The following LANCL3 variants were observed in gnomAD, a reference collection of about 807,000 sequenced individuals.
The protein encoded by LANCL3 is lanC-like protein 3.
LANCL3 carries 19 observed loss-of-function variants against 26.5 expected under a neutral mutation model. That is an observed-to-expected ratio of 0.72 (90% CI 0.50 to 1.05). The LOEUF is 1.05. Ranked by LOEUF, LANCL3 falls within the 50% of genes least tolerant of loss-of-function variation. The pLI, the probability that LANCL3 is intolerant of heterozygous loss-of-function variation, is 0.00. For synonymous variants in LANCL3, 160 were observed against 166.6 expected, an observed-to-expected ratio of 0.96 and a Z score of 0.30; for missense variants, 318 against 362.7, an observed-to-expected ratio of 0.88 and a Z score of 1.00.
chrX:37,637,189 C>T (rs1409368751), intron 1 of LANCL3, among the ~76,000 whole-genome samples: 2 of 111,790 alleles, frequency 1.8e-5, no homozygotes, highest in Admixed American at 1.9e-4. Flanking sequence ...TTAAGTGTGC[C>T]TTCCATCATC....
At chrX:37,597,939 T>C (rs781977053) in intron 1 of LANCL3, among the ~76,000 whole-genome samples, 2 of 110,734 alleles carry the variant, frequency 1.8e-5, no homozygotes, top group Non-Finnish European at 3.8e-5. Context: ...CATCTTTTCA[T>C]GTGCTTATTG....
chrX:37,659,105 T>C (rs1341713047), intron 2 of LANCL3, among the ~76,000 whole-genome samples: 1 of 113,016 alleles, frequency 8.8e-6, no homozygotes, highest in African/African-American at 3.2e-5. Flanking sequence ...GGTCAGCAAA[T>C]TTTTTCTGTA....
At chrX:37,621,642 A>G (rs901774286) in intron 1 of LANCL3, among the ~76,000 whole-genome samples, 17 of 112,510 alleles carry the variant, frequency 1.5e-4, no homozygotes, top group Admixed American at 1.2e-3. Flanking sequence ...TGAAGAAAAT[A>G]TTCATTAGTT....
intron 1 of LANCL3, among the ~76,000 whole-genome samples, chrX:37,611,438 T>C (rs782188764): frequency 9.0e-6 from 1 of 111,372 alleles, no homozygotes; most frequent in South Asian, 3.9e-4. Flanking sequence ...TACTCCATCC[T>C]TGCCACGAAT....
intron 1 of LANCL3, among the ~76,000 whole-genome samples, chrX:37,608,481 C>T (rs1019235739): frequency 2.7e-5 from 3 of 111,291 alleles, no homozygotes; most frequent in South Asian, 3.8e-4. Context: ...GAGGGATAGG[C>T]GGGAAAATAA....
intron 1 of LANCL3, among the ~76,000 whole-genome samples, chrX:37,605,550 C>T (rs1924685629): frequency 9.0e-6 from 1 of 111,706 alleles, no homozygotes; most frequent in African/African-American, 3.3e-5. Context: ...AGATGAGCAA[C>T]AGCCCTTCCT....
At chrX:37,586,492 G>A (rs143511928) in intron 1 of LANCL3, among the ~76,000 whole-genome samples, 2,191 of 111,333 alleles carry the variant, frequency 0.02, 68 homozygotes, top group African/African-American at 0.065. Flanking sequence ...GGCTTTGTTC[G>A]TTTCTTTTTA....
In LANCL3 at chrX:37,667,461, A is replaced by G. The variant is rs781797100; in HGVS notation, c.1075A>G (p.Asn359Asp). ...VFLLLYRLTGNSKYIYRAQRF... is the reference protein window; with the variant it reads ...VFLLLYRLTGDSKYIYRAQRF... ...CCTGCTGCTGTACCGGCTCACGGGA[A>G]ACTCTAAATACATCTACCGAGCTCA... is the stretch of plus-strand genomic sequence containing the variant. Residue 359 changes from asparagine to aspartate, a missense_variant, in exon 4 of 5, where the codon AAC becomes GAC. Coordinates refer to ENST00000378619, the MANE Select transcript of LANCL3 (RefSeq NM_001170331.2). 1.6e-5 allele frequency: 19 copies of G among 1,185,884 alleles called. No individual in the cohort carries two copies. The highest frequency in any genetic ancestry group is 7.1e-5 in the Admixed American group (3 of 42,229).
intron 1 of LANCL3, among the ~76,000 whole-genome samples, chrX:37,621,238 T>C (rs149219782): frequency 8.9e-6 from 1 of 112,442 alleles, no homozygotes; most frequent in East Asian, 2.8e-4. Flanking sequence ...TGTCCAGTTA[T>C]ACAAGCCTTG....
intron 1 of LANCL3, among the ~76,000 whole-genome samples, chrX:37,597,668 C>CTTTTT (rs57097813): frequency 2.1e-4 from 17 of 79,832 alleles, no homozygotes; most frequent in Non-Finnish European, 3.8e-4. Flanking sequence ...CACACGCCAC[C>CTTTTT]TTTTTTTTTT....
At chrX:37,599,410 A>G (rs1556419814) in intron 1 of LANCL3, among the ~76,000 whole-genome samples, 1 of 112,128 alleles carries the variant, frequency 8.9e-6, no homozygotes, top group African/African-American at 3.2e-5. Flanking sequence ...CCTTACATAG[A>G]TCTGGGGTAG....
intron 1 of LANCL3, among the ~76,000 whole-genome samples, chrX:37,588,162 T>G (rs1328111489): frequency 8.9e-6 from 1 of 112,320 alleles, no homozygotes; most frequent in Non-Finnish European, 1.9e-5. Flanking sequence ...CTTACTAACT[T>G]CTTCACTAAT....
intron 1 of LANCL3, among the ~76,000 whole-genome samples, chrX:37,650,591 T>C (rs1556428509): frequency 9.4e-6 from 1 of 106,185 alleles, no homozygotes; most frequent in Non-Finnish European, 1.9e-5. Flanking sequence ...TATGGAAAAT[T>C]GGTAGGAAGC....
intron 1 of LANCL3, among the ~76,000 whole-genome samples, chrX:37,650,655 A>G (rs1926113252): frequency 9.3e-6 from 1 of 107,054 alleles, no homozygotes; most frequent in Admixed American, 1.0e-4. Context: ...AGGACGAGCT[A>G]CTTTTCTTTA....
chrX:37,655,850 A>G, intron 2 of LANCL3, 39 bp downstream of exon 2: 1 of 1,155,260 alleles, frequency 8.7e-7, no homozygotes, highest in South Asian at 1.9e-5. Context: ...AGGAAGGAGA[A>G]AGTCTCTAAG....
intron 4 of LANCL3, 146 bp downstream of exon 4, chrX:37,667,635 G>T (rs910396090): frequency 5.2e-6 from 2 of 382,602 alleles, no homozygotes; most frequent in Admixed American, 1.1e-4. Context: ...CTTCCCTAGA[G>T]ACAGTTTCTT....
rs781905152 is a variant in LANCL3 at position 37,582,048 on chromosome X, T to C, written c.573+9605T>C. On this transcript the variant is annotated intron_variant, in intron 1 of 4. Coordinates refer to ENST00000378619, the MANE Select transcript of LANCL3 (RefSeq NM_001170331.2). Reference sequence around the variant, plus strand: ...CATACGGTGTTTGGTTTTCTGTCCTTGCGATAGTTTGCTGAGAATGATGGT... The same window carrying C: ...CATACGGTGTTTGGTTTTCTGTCCTCGCGATAGTTTGCTGAGAATGATGGT... Among the ~76,000 whole-genome samples, 7 of 111,437 alleles carry C rather than the reference T, an allele frequency of 6.3e-5. No individual in the cohort carries two copies. The South Asian group carries it at 2.7e-3, about 43-fold the overall frequency.
chrX:37,601,337 C>T (rs1469238463), intron 1 of LANCL3, among the ~76,000 whole-genome samples: 1 of 111,398 alleles, frequency 9.0e-6, no homozygotes, highest in Non-Finnish European at 1.9e-5. Flanking sequence ...GGGTGAAACT[C>T]GAGTGACGAG....
At chrX:37,592,150 A>G (rs1350477750) in intron 1 of LANCL3, among the ~76,000 whole-genome samples, 3 of 111,677 alleles carry the variant, frequency 2.7e-5, no homozygotes. Flanking sequence ...CATCCAGAAC[A>G]TTGGCAGCCA....
Sources: gnomAD v4.1 joint callset for allele counts (sites outside exome capture counted in the v4.1 genomes callset) on GRCh38, gnomAD v4.1.1 for gene constraint, MANE v1.5 for transcripts, NCBI Gene and HGNC (gene_info 2026-07-23, HGNC 2026-07-21) for gene names.